Variants in PTPRG observed in about 807,000 individuals in gnomAD.
PTPRG encodes the protein receptor-type tyrosine-protein phosphatase gamma.
A neutral mutation model predicts 165.3 loss-of-function variants in PTPRG; 102 were observed. The observed-to-expected ratio is 0.62, with a 90% confidence interval of 0.53 to 0.73. The LOEUF (loss-of-function observed/expected upper bound fraction) is 0.73, where lower values mean the gene tolerates loss of function less well. Ranked by LOEUF, PTPRG falls within the 30% of genes least tolerant of loss-of-function variation. The pLI, the probability that PTPRG is intolerant of heterozygous loss-of-function variation, is 0.00. For synonymous variants in PTPRG, 675 were observed against 669.5 expected, an observed-to-expected ratio of 1.01 and a Z score of -0.13; for missense variants, 1,866 against 1,861.4, an observed-to-expected ratio of 1.00 and a Z score of -0.05.
rs251034 is a variant in PTPRG, at chr3:61,952,057, G to T, written c.191-37568G>T. 2.1e-5 allele frequency among the ~76,000 whole-genome samples: 3 copies of T among 144,944 alleles called. No individual in the cohort carries two copies. In the East Asian group the frequency reaches 6.4e-4, roughly 31 times the overall value. On this transcript the variant is annotated intron_variant, in intron 2 of 29. Transcript: ENST00000474889. ...CACTTGAACCAGGGAGTCGGAGGTT[G>T]CAGTGAGCTGAGATCACGCCACAGC... is the stretch of plus-strand genomic sequence containing the variant.
intron 2 of PTPRG, among the ~76,000 whole-genome samples, chr3:61,776,546 G>A (rs2034388599): frequency 6.6e-6 from 1 of 152,104 alleles, no homozygotes; most frequent in East Asian, 1.9e-4. Context: ...AGAGGAGAAA[G>A]TACATCCATA....
intron 6 of PTPRG, among the ~76,000 whole-genome samples, chr3:62,143,062 T>C (rs1208937156): frequency 2.0e-5 from 3 of 152,112 alleles, no homozygotes; most frequent in African/African-American, 7.2e-5. Flanking sequence ...TGACTCCAGG[T>C]CCTCTCCCGC....
chr3:62,074,352 C>CTTTCTTTCTTTTTTTTTT (rs1701310935), intron 4 of PTPRG, among the ~76,000 whole-genome samples: 2 of 109,116 alleles, frequency 1.8e-5, no homozygotes, highest in African/African-American at 7.7e-5. Context: ...TCTTTTCTTT[C>CTTTCTTTCTTTTTTTTTT]TTTTTTTTTT....
chr3:62,062,453 T>C (rs554670654), intron 4 of PTPRG, among the ~76,000 whole-genome samples: 1 of 152,270 alleles, frequency 6.6e-6, no homozygotes, highest in Non-Finnish European at 1.5e-5. Flanking sequence ...CTTAATGCTT[T>C]TAGTTAATAA....
chr3:61,951,553 G>T (rs1335795360), intron 2 of PTPRG, among the ~76,000 whole-genome samples: 1 of 152,156 alleles, frequency 6.6e-6, no homozygotes, highest in African/African-American at 2.4e-5. Context: ...GTGGGAAGAT[G>T]GCTCCCAATC....
Position 61,887,170 on chromosome 3 carries a change from A to ATATATATATATTTT in PTPRG, c.191-102454_191-102453insATATATATATTTTT, listed in dbSNP as rs60282456. On this transcript the variant is annotated intron_variant, in intron 2 of 29. Coordinates refer to ENST00000474889, the MANE Select transcript of PTPRG (RefSeq NM_002841.4). ...TATATATATATATATATATATATAT[A>ATATATATATATTTT]TTTTTAATGCCATCATCAAACACTC... Among the ~76,000 whole-genome samples, 8 of 115,530 alleles carry ATATATATATATTTT rather than the reference A, an allele frequency of 6.9e-5. No homozygotes were observed. In the East Asian group the frequency reaches 9.9e-4, roughly 14 times the overall value. 75.8% of individuals were successfully genotyped at this position (115,530 alleles called of 152,430 possible).
intron 1 of PTPRG, among the ~76,000 whole-genome samples, chr3:61,737,422 T>A (rs1245303355): frequency 6.6e-6 from 1 of 152,132 alleles, no homozygotes; most frequent in Non-Finnish European, 1.5e-5. Context: ...CTTGCCTAAA[T>A]CTTACCAAAC....
chr3:61,847,367 C>T (rs1429967944), intron 2 of PTPRG, among the ~76,000 whole-genome samples: 1 of 152,126 alleles, frequency 6.6e-6, no homozygotes, highest in Non-Finnish European at 1.5e-5. Context: ...AGTAGATCTT[C>T]CCCTCATGGC....
intron 2 of PTPRG, among the ~76,000 whole-genome samples, chr3:61,855,259 A>G (rs2037067443): frequency 6.6e-6 from 1 of 152,172 alleles, no homozygotes; most frequent in Non-Finnish European, 1.5e-5. Flanking sequence ...GTTCTAGATT[A>G]GCCGCCTTTC....
In PTPRG at chr3:62,180,652, C is replaced by T. The variant is rs118186372; in HGVS notation, c.1034-10817C>T. Among the ~76,000 whole-genome samples, 1,311 of 152,308 alleles carry T rather than the reference C, an allele frequency of 8.6e-3. 15 individuals carry two copies. The highest frequency in any genetic ancestry group is 0.048 in the East Asian group (248 of 5,176). ...CCTTCCACCCAGCGTCCAAGATGCA[C>T]GCAGCTGTTATCAAGTGAGGCTGGG... On this transcript the variant is annotated intron_variant, in intron 8 of 29. Transcript: ENST00000474889.
chr3:61,609,867 T>A (rs532911312), intron 1 of PTPRG, among the ~76,000 whole-genome samples: 4 of 152,060 alleles, frequency 2.6e-5, no homozygotes, highest in African/African-American at 7.2e-5. Flanking sequence ...AAAATAGCAT[T>A]GCATTTTGTT....
intron 2 of PTPRG, among the ~76,000 whole-genome samples, chr3:61,763,091 G>T (rs9879444): frequency 0.23 from 34,558 of 152,062 alleles, 4,198 homozygotes; most frequent in East Asian, 0.28. Context: ...TCCAGACTTG[G>T]ATCGTGTTCT....
rs562207093 is a variant in PTPRG, at chr3:61,646,137, A to C, written c.85+83765A>C. ...TTTTATTTTTTTGAGATGGGGTCTC[A>C]CTCTGTCACCCAGGCTGGAGTGCAG... On this transcript the variant is annotated intron_variant, in intron 1 of 29. Transcript: ENST00000474889. 2.5e-4 allele frequency among the ~76,000 whole-genome samples: 38 copies of C among 151,946 alleles called. 1 individual carries two copies. Among genetic ancestry groups the C allele is most frequent in the Non-Finnish European group, 5.0e-4 (34 of 67,986 alleles).
intron 1 of PTPRG, among the ~76,000 whole-genome samples, chr3:61,644,917 G>C (rs1407465337): frequency 6.6e-6 from 1 of 152,152 alleles, no homozygotes; most frequent in African/African-American, 2.4e-5. Flanking sequence ...CTTTATGGTC[G>C]ACATAACCCA....
intron 2 of PTPRG, among the ~76,000 whole-genome samples, chr3:61,932,281 T>A (rs2039380565): frequency 1.3e-5 from 2 of 152,212 alleles, no homozygotes; most frequent in South Asian, 4.1e-4. Flanking sequence ...CAGCACTGCA[T>A]GGAATTATCC....
intron 5 of PTPRG, among the ~76,000 whole-genome samples, chr3:62,128,711 A>G (rs1473256718): frequency 6.7e-6 from 1 of 149,098 alleles, no homozygotes; most frequent in Non-Finnish European, 1.5e-5. Context: ...TATTTTCCCC[A>G]TCCCTGGCCT....
rs1703014628 is a variant in PTPRG, at chr3:62,294,979, C to G, written c.*1672C>G. On this transcript the variant is annotated 3_prime_UTR_variant, in exon 30 of 30. Transcript: ENST00000474889. ...ACCAGAAGTGCTAAGGAGAAAGAAGCTATGGGCCAAGTTAAAGAATTTGAA... is the reference window on the plus strand; with the variant it reads ...ACCAGAAGTGCTAAGGAGAAAGAAGGTATGGGCCAAGTTAAAGAATTTGAA... 1 of 152,064 alleles carries G rather than the reference C, an allele frequency of 6.6e-6. No individual in the cohort carries two copies. Among genetic ancestry groups the G allele is most frequent in the African/African-American group, 2.4e-5 (1 of 41,412 alleles). 9.4% of individuals were successfully genotyped at this position (152,064 alleles called of 1,614,324 possible).
intron 2 of PTPRG, among the ~76,000 whole-genome samples, chr3:61,785,190 C>T (rs953222510): frequency 2.6e-5 from 4 of 152,138 alleles, no homozygotes; most frequent in African/African-American, 7.2e-5. Context: ...TAACCTCTGC[C>T]GTATTTGGTT....
chr3:61,778,998 T>G (rs1422245516), intron 2 of PTPRG, among the ~76,000 whole-genome samples: 1 of 152,092 alleles, frequency 6.6e-6, no homozygotes, highest in African/African-American at 2.4e-5. Context: ...TCATGTAGGA[T>G]GCATTAAAGA....
Sources: allele counts gnomAD v4.1 joint callset (sites outside exome capture counted in the v4.1 genomes callset), GRCh38; gene constraint gnomAD v4.1.1; transcripts MANE v1.5; gene names NCBI Gene and HGNC (gene_info 2026-07-23, HGNC 2026-07-21).